Variants in HSD17B2 observed in about 807,000 individuals in gnomAD.
HSD17B2 encodes hydroxysteroid 17-beta dehydrogenase 2.
In HSD17B2, 32 loss-of-function variants were observed where a neutral mutation model predicts 26.9. That is an observed-to-expected ratio of 1.19 (90% CI 0.90 to 1.60). The LOEUF is 1.60. HSD17B2 is among the 40% of genes most tolerant of loss of function. The probability of loss-of-function intolerance (pLI) is 0.00; values close to 1 mark genes in which losing one functional copy is unlikely to be tolerated. For synonymous variants in HSD17B2, 246 were observed against 186.7 expected, an observed-to-expected ratio of 1.32 and a Z score of -2.59; for missense variants, 613 against 468.6, an observed-to-expected ratio of 1.31 and a Z score of -2.85.
chr16:82,051,228 C>T (rs962599539), intron 1 of HSD17B2, among the ~76,000 whole-genome samples: 3 of 152,148 alleles, frequency 2.0e-5, no homozygotes, highest in East Asian at 1.9e-4. Flanking sequence ...GATAGCATTG[C>T]GTACGGCTCC....
At chr16:82,097,365 A>ATTATATATGTG (rs1480714932) in intron 4 of HSD17B2, 2 of 150,360 alleles carry the variant, frequency 1.3e-5, no homozygotes, top group Non-Finnish European at 3.0e-5. Flanking sequence ...ACACACACAC[A>ATTATATATGTG]CACACACACA....
chr16:82,051,968 T>C (rs1169832122), intron 1 of HSD17B2, among the ~76,000 whole-genome samples: 1 of 152,236 alleles, frequency 6.6e-6, no homozygotes, highest in Non-Finnish European at 1.5e-5. Flanking sequence ...TGGCACCTGG[T>C]GCAGGTCTCT....
chr16:82,054,749 G>A (rs1221424049), intron 1 of HSD17B2, among the ~76,000 whole-genome samples: 1 of 152,192 alleles, frequency 6.6e-6, no homozygotes, highest in African/African-American at 2.4e-5. Context: ...TCTTTGAGAT[G>A]TCATTTTTTC....
At chr16:82,068,865 T>C (rs1390489785) in intron 2 of HSD17B2, among the ~76,000 whole-genome samples, 1 of 152,194 alleles carries the variant, frequency 6.6e-6, no homozygotes, top group East Asian at 1.9e-4. Flanking sequence ...CCCTAACTGA[T>C]CTGGCAAAGC....
intron 3 of HSD17B2, among the ~76,000 whole-genome samples, chr16:82,084,188 C>T (rs1244281880): frequency 6.6e-5 from 10 of 152,142 alleles, no homozygotes; most frequent in Admixed American, 4.6e-4. Context: ...GGTCATGTAG[C>T]ACCTGAGTCC....
intron 1 of HSD17B2, among the ~76,000 whole-genome samples, chr16:82,037,679 A>G (rs901813424): frequency 6.6e-6 from 1 of 152,224 alleles, no homozygotes; most frequent in African/African-American, 2.4e-5. Context: ...AAAAGCAACA[A>G]AAAGGGTGAT....
At chr16:82,082,838 C>T (rs1567590967) in intron 3 of HSD17B2, among the ~76,000 whole-genome samples, 1 of 152,140 alleles carries the variant, frequency 6.6e-6, no homozygotes, top group Non-Finnish European at 1.5e-5. Flanking sequence ...CCCCAATAAC[C>T]TATGTAATGT....
At chr16:82,074,467 G>C (rs1359019710) in intron 3 of HSD17B2, among the ~76,000 whole-genome samples, 1 of 152,212 alleles carries the variant, frequency 6.6e-6, no homozygotes, top group Non-Finnish European at 1.5e-5. Flanking sequence ...CCGGGAGTTT[G>C]TGTAAAGACA....
chr16:82,039,646 T>C (rs1323802502), intron 1 of HSD17B2, among the ~76,000 whole-genome samples: 1 of 152,182 alleles, frequency 6.6e-6, no homozygotes, highest in Non-Finnish European at 1.5e-5. Context: ...TCCTTCCCCC[T>C]CTTCTGAGGT....
At chr16:82,061,594 T>C (rs1030719960) in intron 1 of HSD17B2, among the ~76,000 whole-genome samples, 1 of 152,216 alleles carries the variant, frequency 6.6e-6, no homozygotes, top group South Asian at 2.1e-4. Flanking sequence ...GAAGACTATG[T>C]AGAAATATGT....
At chr16:82,058,353 G>C (rs1286838988) in intron 1 of HSD17B2, among the ~76,000 whole-genome samples, 1 of 152,090 alleles carries the variant, frequency 6.6e-6, no homozygotes, top group African/African-American at 2.4e-5. Flanking sequence ...TTACAGGTGT[G>C]AGCTACCGCA....
intron 1 of HSD17B2, chr16:82,052,247 A>T (rs1454186915): frequency 1.3e-5 from 2 of 152,220 alleles, no homozygotes; most frequent in Non-Finnish European, 2.9e-5. Context: ...TCAGGTGGGC[A>T]TTCTCGTTTG....
chr16:82,042,048 G>A (rs1260421498), intron 1 of HSD17B2, among the ~76,000 whole-genome samples: 1 of 150,826 alleles, frequency 6.6e-6, no homozygotes, highest in Non-Finnish European at 1.5e-5. Flanking sequence ...TGTCACCCAG[G>A]CTGGAGTGCA....
At chr16:82,061,737 T>A (rs1243573230) in intron 1 of HSD17B2, among the ~76,000 whole-genome samples, 1 of 152,244 alleles carries the variant, frequency 6.6e-6, no homozygotes, top group African/African-American at 2.4e-5. Context: ...TTATGCAATA[T>A]GGTGAGATTA....
intron 1 of HSD17B2, among the ~76,000 whole-genome samples, chr16:82,038,775 A>G (rs1203757905): frequency 1.3e-5 from 2 of 152,154 alleles, no homozygotes; most frequent in African/African-American, 4.8e-5. Context: ...GGCAGGGAAA[A>G]GGAAGAAGCC....
chr16:82,035,736 T>A, intron 1 of HSD17B2, 47 bp downstream of exon 1: 1 of 1,583,242 alleles, frequency 6.3e-7, no homozygotes, highest in Non-Finnish European at 8.6e-7. Context: ...GATCTGAAAC[T>A]TGCTTTGCCT....
At chr16:82,096,706 A>C (rs2142370846) in intron 4 of HSD17B2, 1 of 152,292 alleles carries the variant, frequency 6.6e-6, no homozygotes, top group African/African-American at 2.4e-5. Flanking sequence ...CAGCATTTCT[A>C]AAGGCCCAGT....
intron 3 of HSD17B2, among the ~76,000 whole-genome samples, chr16:82,089,613 G>A (rs1183861918): frequency 6.6e-6 from 1 of 152,162 alleles, no homozygotes; most frequent in African/African-American, 2.4e-5. Flanking sequence ...TCGTAGTTCT[G>A]GAGGCCAGAT....
intron 3 of HSD17B2, among the ~76,000 whole-genome samples, chr16:82,082,042 C>A (rs552652878): frequency 2.0e-5 from 3 of 152,302 alleles, no homozygotes; most frequent in East Asian, 3.9e-4. Flanking sequence ...GGGAGCTGAA[C>A]AATAAGAGCT....
Sources: allele counts gnomAD v4.1 joint callset (sites outside exome capture counted in the v4.1 genomes callset), GRCh38; gene constraint gnomAD v4.1.1; transcripts MANE v1.5; gene names NCBI Gene and HGNC (gene_info 2026-07-23, HGNC 2026-07-21).